Variants in DOCK8 observed in about 807,000 individuals in gnomAD.
The protein encoded by DOCK8 is dedicator of cytokinesis protein 8.
DOCK8 carries 141 observed loss-of-function variants against 245.6 expected under a neutral mutation model. The observed-to-expected ratio is 0.57, with a 90% CI of 0.50 to 0.66. The LOEUF is 0.66. Among genes scored for constraint, DOCK8 ranks in the 30% least tolerant of loss-of-function variants. The probability of loss-of-function intolerance (pLI) is 0.00; values close to 1 mark genes in which losing one functional copy is unlikely to be tolerated. For missense variants in DOCK8, 2,965 were observed against 2,603.4 expected, an observed-to-expected ratio of 1.14 and a Z score of -3.02; for synonymous variants, 1,168 against 970.2, an observed-to-expected ratio of 1.20 and a Z score of -3.79.
rs1312463855 is a variant in DOCK8, at chr9:452,118, G to T, written c.6068+1G>T. 6.2e-7 allele frequency: 1 copy of T among 1,600,634 alleles called. No individual in the cohort carries two copies. The highest frequency in any genetic ancestry group is 2.2e-5 in the East Asian group (1 of 44,710). On this transcript the variant is annotated splice_donor_variant, in intron 46 of 47. Coordinates refer to ENST00000432829, the MANE Select transcript of DOCK8 (RefSeq NM_203447.4). LOFTEE classifies it high-confidence loss of function. ...TATGCTTTAAGGAATTCATCATGAGGTAAGAAGGAAAATGGCTGGGAATTT... is the reference window on the plus strand; with the variant it reads ...TATGCTTTAAGGAATTCATCATGAGTTAAGAAGGAAAATGGCTGGGAATTT...
At chr9:307,338 G>GTT (rs1165775428) in intron 5 of DOCK8, among the ~76,000 whole-genome samples, 17 of 51,218 alleles carry the variant, frequency 3.3e-4, no homozygotes, top group African/African-American at 7.5e-4. Context: ...GGTTTTTTTT[G>GTT]TTTTTTTTTT....
chr9:313,085 T>G (rs2050195654), intron 6 of DOCK8: 1 of 152,412 alleles, frequency 6.6e-6, no homozygotes, highest in South Asian at 2.1e-4. Context: ...AACCTGCCCT[T>G]CAGTGAGCTC....
chr9:448,879 G>C (rs549915116), intron 44 of DOCK8, among the ~76,000 whole-genome samples: 4 of 152,290 alleles, frequency 2.6e-5, no homozygotes, highest in African/African-American at 7.2e-5. Context: ...ATTCAGAAAA[G>C]ACTCTACCCC....
chr9:217,105 G>A (rs1407358260), intron 1 of DOCK8, among the ~76,000 whole-genome samples: 1 of 152,148 alleles, frequency 6.6e-6, no homozygotes, highest in Non-Finnish European at 1.5e-5. Flanking sequence ...CATACACATT[G>A]GAATTTAGAG....
At chr9:323,687 G>A (rs1049097766) in intron 7 of DOCK8, among the ~76,000 whole-genome samples, 1 of 152,018 alleles carries the variant, frequency 6.6e-6, no homozygotes, top group East Asian at 1.9e-4. Context: ...CCCAGCCCCT[G>A]GCAACTCCCA....
At chr9:425,687 T>C (rs894396261) in intron 33 of DOCK8, among the ~76,000 whole-genome samples, 10 of 150,728 alleles carry the variant, frequency 6.6e-5, no homozygotes, top group Admixed American at 5.9e-4. Flanking sequence ...AGCCCAGGAG[T>C]TCGAGGCTTC....
intron 1 of DOCK8, among the ~76,000 whole-genome samples, chr9:235,822 A>G (rs2047232064): frequency 1.3e-5 from 2 of 152,230 alleles, no homozygotes; most frequent in Non-Finnish European, 1.5e-5. Flanking sequence ...TTGACTAGGA[A>G]AGGGAATTCC....
At chr9:399,686 T>C (rs1054832999) in intron 26 of DOCK8, among the ~76,000 whole-genome samples, 9 of 152,076 alleles carry the variant, frequency 5.9e-5, no homozygotes, top group Non-Finnish European at 1.0e-4. Context: ...CTTTTTAAAG[T>C]GTTCTTAAAT....
chr9:382,972 G>A (rs1182926813), intron 22 of DOCK8, among the ~76,000 whole-genome samples: 1 of 152,050 alleles, frequency 6.6e-6, no homozygotes, highest in African/African-American at 2.4e-5. Flanking sequence ...GCTAAACCAT[G>A]CATTTTATTT....
intron 1 of DOCK8, among the ~76,000 whole-genome samples, chr9:245,014 G>GT (rs2047473665): frequency 6.6e-6 from 1 of 152,070 alleles, no homozygotes; most frequent in Non-Finnish European, 1.5e-5. Context: ...CTGGCCACTT[G>GT]TTTTTCCCAC....
chr9:419,424 G>A (rs976446435), intron 30 of DOCK8, among the ~76,000 whole-genome samples: 9 of 152,164 alleles, frequency 5.9e-5, no homozygotes, highest in Non-Finnish European at 1.0e-4. Flanking sequence ...GCTGCTTGAG[G>A]TGGTATATGC....
chr9:447,085 T>C (rs1475604046), intron 44 of DOCK8, among the ~76,000 whole-genome samples: 1 of 152,188 alleles, frequency 6.6e-6, no homozygotes, highest in African/African-American at 2.4e-5. Flanking sequence ...GTTCACTGAC[T>C]AGCTTCTAGT....
chr9:312,212 G>C (rs775527577), intron 6 of DOCK8, 46 bp downstream of exon 6: 6 of 1,598,898 alleles, frequency 3.8e-6, no homozygotes, highest in South Asian at 1.1e-5. Context: ...TGAAGACTCT[G>C]AGAGTCATGT....
intron 1 of DOCK8, among the ~76,000 whole-genome samples, chr9:266,392 T>TGAATGAAC (rs1285902179): frequency 1.3e-5 from 2 of 152,084 alleles, no homozygotes; most frequent in South Asian, 2.1e-4. Context: ...AATGAATGAA[T>TGAATGAAC]GAACCAACCA....
chr9:371,412 T>C lies in DOCK8; in HGVS notation c.1869-16T>C, dbSNP rs764710664. 8.1e-6 allele frequency: 13 copies of C among 1,614,054 alleles called. No homozygotes were observed. In the Admixed American group the frequency reaches 1.2e-4, roughly 14 times the overall value. ...CTTGCTAAAAGTTATTTGTGTATAA[T>C]GTGCTTTTGAAACAGGTCTCCTGAC... On this transcript the variant is annotated splice_polypyrimidine_tract_variant and intron_variant, in intron 16 of 47. Transcript: ENST00000432829.
At position 255,286 on chromosome 9, in the gene DOCK8, G is replaced by C. The variant is rs189554026; in HGVS notation, c.54-16341G>C. ...TTTGACTGTTTTGAGTTGAAGACAG[G>C]TAATAAGAAAGAAATCACCAATTAA... On this transcript the variant is annotated intron_variant, in intron 1 of 47. Transcript: ENST00000432829. Among the ~76,000 whole-genome samples the C allele has an allele frequency of 1.3e-3, 203 of 152,240 alleles. 2 individuals are homozygous for C. The highest frequency in any genetic ancestry group is 4.8e-3 in the African/African-American group (199 of 41,532).
intron 23 of DOCK8, among the ~76,000 whole-genome samples, chr9:389,898 G>A (rs1402122083): frequency 1.3e-5 from 2 of 152,058 alleles, no homozygotes; most frequent in African/African-American, 2.4e-5. Flanking sequence ...GGTGGTGCAC[G>A]CCTTTAGTCC....
intron 39 of DOCK8, among the ~76,000 whole-genome samples, chr9:436,573 C>G (rs2056910629): frequency 6.6e-6 from 1 of 152,104 alleles, no homozygotes; most frequent in Non-Finnish European, 1.5e-5. Flanking sequence ...ATATCAATTG[C>G]ATTTCATTAT....
Position 328,063 on chromosome 9 carries a change from C to A in DOCK8, c.936C>A (p.Phe312Leu). The A allele has an allele frequency of 1.2e-6, 2 of 1,614,154 alleles. No homozygotes were observed. Among genetic ancestry groups the A allele is most frequent in the South Asian group, 1.1e-5 (1 of 91,074 alleles). The change falls in exon 9 of 48, where the codon TTC becomes TTA. Residue 312 changes from phenylalanine (F) to leucine (L), a missense_variant. This residue lies in a region of DOCK8 where 2,825 missense variants were observed against 2,453.5 expected (regional missense o/e 1.15). Coordinates refer to ENST00000432829, the MANE Select transcript of DOCK8 (RefSeq NM_203447.4). ...NFHCDLNSDQFKGFLRAHTPS... is the reference protein window; with the variant it reads ...NFHCDLNSDQLKGFLRAHTPS... ...ACTGTGACCTGAACTCTGACCAGTT[C>A]AAAGGATTTCTGCGAGCTCACACGC...
Sources: allele counts gnomAD v4.1 joint callset (sites outside exome capture counted in the v4.1 genomes callset), GRCh38; gene constraint gnomAD v4.1.1; regional missense constraint gnomAD v4.1.1; transcripts MANE v1.5; gene names NCBI Gene and HGNC (gene_info 2026-07-23, HGNC 2026-07-21).